The following MLXIP variants were observed in gnomAD, a reference collection of about 807,000 sequenced individuals.
MLXIP encodes MLX interacting protein, also known as MLX-interacting protein.
Under a neutral mutation model 87.2 loss-of-function variants are expected in MLXIP, and 30 were observed. The observed-to-expected ratio is 0.34, with a 90% CI of 0.26 to 0.47. The LOEUF (loss-of-function observed/expected upper bound fraction) is 0.47, where lower values mean the gene tolerates loss of function less well. MLXIP is among the 20% of genes least tolerant of loss of function. The pLI, the probability that MLXIP is intolerant of heterozygous loss-of-function variation, is 1.00. For missense variants in MLXIP, 1,002 were observed against 1,240.1 expected (o/e 0.81, Z 2.88); for synonymous variants, 530 against 514.0 (o/e 1.03, Z -0.42).
chr12:122,089,931 A>G lies in MLXIP; in HGVS notation c.413+10665A>G, dbSNP rs189692448. ...GGAAATGGCTGTGAGGTATGTGGAAAGATGATGGGATTGGAAGCCACAAGA... is the reference window on the plus strand; with the variant it reads ...GGAAATGGCTGTGAGGTATGTGGAAGGATGATGGGATTGGAAGCCACAAGA... On this transcript the variant is annotated intron_variant, in intron 1 of 16. Transcript: ENST00000319080. Among the ~76,000 whole-genome samples the G allele has an allele frequency of 3.5e-3, 534 of 152,300 alleles. 8 individuals carry two copies. Among genetic ancestry groups the G allele is most frequent in the Non-Finnish European group, 2.0e-3 (137 of 68,018 alleles).
intron 1 of MLXIP, among the ~76,000 whole-genome samples, chr12:122,090,188 T>A (rs1952224560): frequency 6.6e-6 from 1 of 152,160 alleles, no homozygotes; most frequent in African/African-American, 2.4e-5. Flanking sequence ...TCAGAAACAT[T>A]ATGTTGAATG....
Position 122,141,774 on chromosome 12 carries a change from G to A in MLXIP, c.2722G>A (p.Ala908Thr). The stretch of plus-strand genomic sequence containing the variant: ...ACAGCTGCCAGAGCAGGCGTCCAAG[G>A]CTGTCACCAGGATTGGCAAGAGATT... The part of the protein sequence containing the change: ...PAQLPEQASK[A>T]VTRIGKRLGE... Residue 908 changes from alanine (A) to threonine (T), a missense_variant, in exon 17 of 17, where the codon GCT (alanine) becomes ACT (threonine). Physicochemically the swap from Ala to Thr is moderately conservative, Grantham distance 58. Around this residue, in one of 3 missense-constraint regions of MLXIP, gnomAD observed 746 missense variants for 897.0 expected, o/e 0.83. Transcript: ENST00000319080. 1 of 1,613,834 alleles carries A rather than the reference G, an allele frequency of 6.2e-7. No homozygotes were observed. Among genetic ancestry groups the A allele is most frequent in the South Asian group, 1.1e-5 (1 of 91,082 alleles).
chr12:122,085,257 T>A (rs1952150505), intron 1 of MLXIP, among the ~76,000 whole-genome samples: 1 of 151,392 alleles, frequency 6.6e-6, no homozygotes, highest in Admixed American at 6.6e-5. Flanking sequence ...CATTATGTGA[T>A]CCCGGCTTAC....
chr12:122,109,376 G>A (rs1338753168), intron 1 of MLXIP, among the ~76,000 whole-genome samples: 2 of 152,194 alleles, frequency 1.3e-5, no homozygotes, highest in Non-Finnish European at 2.9e-5. Flanking sequence ...ACTACTTTTT[G>A]TATTCTTAGT....
intron 1 of MLXIP, among the ~76,000 whole-genome samples, chr12:122,106,480 A>G (rs1054301194): frequency 1.3e-5 from 2 of 151,964 alleles, no homozygotes; most frequent in Non-Finnish European, 2.9e-5. Context: ...AGCCTGACAC[A>G]TCGGGCTTTT....
chr12:122,137,330 A>G lies in MLXIP; in HGVS notation c.2033-139A>G. The G allele has an allele frequency of 1.3e-6, 1 of 796,106 alleles. No homozygotes were observed. Among genetic ancestry groups the G allele is most frequent in the Non-Finnish European group, 1.9e-6 (1 of 529,216 alleles). The allele number at this position is 796,106 out of a possible 1,614,324, so 49.3% of individuals were successfully genotyped here. A position where few individuals can be genotyped will look rare whatever the true frequency, so the allele number is the denominator to read the frequency against. ...GTGAATAAGAATAATCTAAGGAAGCATGTGTGTGCAGTTGAAAGAACCAAG... is the reference window on the plus strand; with the variant it reads ...GTGAATAAGAATAATCTAAGGAAGCGTGTGTGTGCAGTTGAAAGAACCAAG... On this transcript the variant is annotated intron_variant, in intron 11 of 16. Transcript: ENST00000319080. This position sits in a 1 kb window ranked among gnomAD's most constrained non-coding sequence, Gnocchi z 4.1.
Position 122,135,676 on chromosome 12 carries a change from C to G in MLXIP, c.2032+10C>G, listed in dbSNP as rs1201285947. On this transcript the variant is annotated intron_variant, in intron 11 of 16. Transcript: ENST00000319080. This position sits in a 1 kb window ranked among gnomAD's most constrained non-coding sequence, Gnocchi z 5.3. ...ACTGTCACAGGGCCCAGTGAGTGTT[C>G]ACTCGGCGGGATGGTTGGGGCATCG... 2 of 1,480,038 alleles carry G rather than the reference C, an allele frequency of 1.4e-6. No homozygotes were observed. The highest frequency in any genetic ancestry group is 1.8e-6 in the Non-Finnish European group (2 of 1,115,318). The allele number at this position is 1,480,038 out of a possible 1,614,324, so 91.7% of individuals were successfully genotyped here.
At chr12:122,095,385 C>T (rs1238085961) in intron 1 of MLXIP, among the ~76,000 whole-genome samples, 36 of 152,062 alleles carry the variant, frequency 2.4e-4, no homozygotes, top group African/African-American at 6.8e-4. Flanking sequence ...GGATTCCTGG[C>T]TCTGGCTTTT....
Position 122,135,681 on chromosome 12 carries a change from G to C in MLXIP, c.2032+15G>C. 1 of 1,473,184 alleles carries C rather than the reference G, an allele frequency of 6.8e-7. No individual in the cohort carries two copies. The highest frequency in any genetic ancestry group is 9.0e-7 in the Non-Finnish European group (1 of 1,112,394). 91.3% of individuals were successfully genotyped at this position (1,473,184 alleles called of 1,614,324 possible). On this transcript the variant is annotated intron_variant, in intron 11 of 16. Transcript: ENST00000319080. The surrounding 1 kb of genome is among the most constrained non-coding windows in gnomAD (Gnocchi z 5.3). Reference sequence around the variant, plus strand: ...CACAGGGCCCAGTGAGTGTTCACTCGGCGGGATGGTTGGGGCATCGCAAGG... The same window carrying C: ...CACAGGGCCCAGTGAGTGTTCACTCCGCGGGATGGTTGGGGCATCGCAAGG...
At chr12:122,141,654 G>A (rs747858771) in intron 16 of MLXIP, 37 bp from the exon 17 acceptor site, 1 of 1,609,186 alleles carries the variant, frequency 6.2e-7, no homozygotes, top group South Asian at 1.1e-5. Flanking sequence ...TGGTGGGTCT[G>A]TGTCACTGCC....
At chr12:122,124,653 C>A (rs903260257) in intron 1 of MLXIP, among the ~76,000 whole-genome samples, 6 of 151,314 alleles carry the variant, frequency 4.0e-5, no homozygotes, top group Admixed American at 6.6e-5. Flanking sequence ...GAAAGGACTT[C>A]AGGGCGGGGG....
chr12:122,138,142 G>A, intron 12 of MLXIP, 52 bp from the exon 13 acceptor site: 1 of 1,482,546 alleles, frequency 6.7e-7, no homozygotes, highest in Non-Finnish European at 9.2e-7. Flanking sequence ...AGGAAGGGTG[G>A]ACAGTGTGCC....
chr12:122,079,286 C>T lies in MLXIP; in HGVS notation c.413+20C>T. On this transcript the variant is annotated intron_variant, in intron 1 of 16. Transcript: ENST00000319080. ...CTACAGGTAGGGACCCCCGCGACCC[C>T]CTGAGGCCCCGGCCGGAGGCCCTTG... is the stretch of plus-strand genomic sequence containing the variant. 1 of 1,544,328 alleles carries T rather than the reference C, an allele frequency of 6.5e-7. No homozygotes were observed. The highest frequency in any genetic ancestry group is 8.7e-7 in the Non-Finnish European group (1 of 1,143,084).
chr12:122,096,412 C>G (rs1036130456), intron 1 of MLXIP, among the ~76,000 whole-genome samples: 2 of 152,038 alleles, frequency 1.3e-5, no homozygotes, highest in African/African-American at 4.8e-5. Flanking sequence ...CCCTGGTTGG[C>G]TACTTTCTCT....
intron 1 of MLXIP, among the ~76,000 whole-genome samples, chr12:122,085,260 C>T (rs560620734): frequency 9.9e-5 from 15 of 151,548 alleles, no homozygotes; most frequent in African/African-American, 1.5e-4. Flanking sequence ...TATGTGATCC[C>T]GGCTTACCAG....
intron 1 of MLXIP, 156 bp from the exon 2 acceptor site, chr12:122,127,100 A>G: frequency 1.4e-6 from 1 of 693,294 alleles, no homozygotes; most frequent in East Asian, 2.7e-5. Flanking sequence ...GTGGCTCTGA[A>G]GAAATCCCCC....
intron 1 of MLXIP, among the ~76,000 whole-genome samples, chr12:122,104,008 T>C (rs1952481131): frequency 6.6e-6 from 1 of 152,160 alleles, no homozygotes; most frequent in Non-Finnish European, 1.5e-5. Flanking sequence ...AACTGTGTGG[T>C]ATGTGAACTA....
In MLXIP at chr12:122,141,763, AG is replaced by A; in HGVS notation, c.2713del (p.Ala905ArgfsTer93). ...ILTDPAQLPE[Q>X]ASKAVTRIGK... Reference sequence around the variant, plus strand: ...ACAGACCCGGCACAGCTGCCAGAGCAGGCGTCCAAGGCTGTCACCAGGATTG... The same window carrying A: ...ACAGACCCGGCACAGCTGCCAGAGCAGCGTCCAAGGCTGTCACCAGGATTG... On this transcript the variant is annotated frameshift_variant, in exon 17 of 17. Coordinates refer to ENST00000319080, the MANE Select transcript of MLXIP (RefSeq NM_014938.6). LOFTEE classifies it high-confidence loss of function. The A allele has an allele frequency of 6.2e-7, 1 of 1,613,812 alleles. No homozygotes were observed. Among genetic ancestry groups the A allele is most frequent in the Non-Finnish European group, 8.5e-7 (1 of 1,179,874 alleles).
chr12:122,128,206 C>T (rs749180516), intron 3 of MLXIP: 49 of 479,126 alleles, frequency 1.0e-4, no homozygotes, highest in Non-Finnish European at 1.8e-4. Context: ...TAATATCTTT[C>T]TGTTAATTTT....
Sources: gnomAD v4.1 joint callset for allele counts (sites outside exome capture counted in the v4.1 genomes callset) on GRCh38, gnomAD v4.1.1 for gene constraint, gnomAD v4.1.1 regional missense constraint, Gnocchi (gnomAD v3.1) non-coding constraint, MANE v1.5 for transcripts, NCBI Gene and HGNC (gene_info 2026-07-23, HGNC 2026-07-21) for gene names.